The following APC2 variants were observed in gnomAD, a reference collection of about 807,000 sequenced individuals.
The protein encoded by APC2 is APC regulator of Wnt signaling pathway 2, also known as adenomatous polyposis coli protein 2.
In APC2, 41 loss-of-function variants were observed where a neutral mutation model predicts 72.5. That is an observed-to-expected ratio of 0.57 (90% confidence interval 0.44 to 0.73). The LOEUF is 0.73. Among genes scored for constraint, APC2 ranks in the 30% least tolerant of loss-of-function variants. The probability of loss-of-function intolerance (pLI) is 0.00; values close to 1 mark genes in which losing one functional copy is unlikely to be tolerated. For missense variants in APC2, 3,729 were observed against 3,403.4 expected (o/e 1.10, Z -2.38); for synonymous variants, 1,898 against 1,612.0 (o/e 1.18, Z -4.25).
chr19:1,457,744 G>T, intron 9 of APC2: 1 of 597,230 alleles, frequency 1.7e-6, no homozygotes, highest in East Asian at 2.8e-5. Context: ...GAAAGGTGTG[G>T]TGCTCCAGGA....
upstream of APC2, among the ~76,000 whole-genome samples, chr19:1,449,187 G>T (rs996418115): frequency 2.0e-5 from 3 of 152,190 alleles, no homozygotes; most frequent in South Asian, 6.2e-4. Flanking sequence ...GAAACCGAGG[G>T]TTGAGCGGCG....
chr19:1,451,359 G>A (rs2083740818), intron 1 of APC2: 1 of 152,756 alleles, frequency 6.5e-6, no homozygotes, highest in African/African-American at 2.4e-5. Flanking sequence ...GGCTGGGCAT[G>A]GGATGGTGAC....
At position 1,457,128 on chromosome 19, in the gene APC2, G is replaced by A. The variant is rs148333649; in HGVS notation, c.1092G>A (p.Ala364=). 5 of 1,588,926 alleles carry A rather than the reference G, an allele frequency of 3.1e-6. No homozygotes were observed. The highest frequency in any genetic ancestry group is 1.3e-5 in the African/African-American group (1 of 74,184). Residue 364 remains alanine, a synonymous_variant, in exon 9 of 15, where the codon GCG becomes GCA. Coordinates refer to ENST00000590469, the MANE Select transcript of APC2 (RefSeq NM_005883.3). The stretch of plus-strand genomic sequence containing the variant: ...TCTCGCAGCCGGACCAGGGCCTGGC[G>A]CGCAAGGAGATGCGCGTCCTGCACG... ...IVFSQPDQGL[A]RKEMRVLHVL...
Position 1,468,061 on chromosome 19 carries a change from G to GCGAGCC in APC2, c.4768_4773dup (p.Glu1590_Pro1591dup), listed in dbSNP as rs1022947706. On this transcript the variant is annotated inframe_insertion, in exon 15 of 15. Coordinates refer to ENST00000590469, the MANE Select transcript of APC2 (RefSeq NM_005883.3). ...CTGAGCTCCTCCGCCAGCTCCCTCA[G>GCGAGCC]CGAGCCCGAGCCCTCGGAGCCGCCG... is the stretch of plus-strand genomic sequence containing the variant. 17 of 1,571,108 alleles carry GCGAGCC rather than the reference G, an allele frequency of 1.1e-5. No individual in the cohort carries two copies. Among genetic ancestry groups the GCGAGCC allele is most frequent in the African/African-American group, 2.8e-5 (2 of 71,568 alleles).
In APC2 at chr19:1,469,402, C is replaced by T; in HGVS notation, c.6101C>T (p.Pro2034Leu). 8.3e-7 allele frequency: 1 copy of T among 1,208,386 alleles called. No individual in the cohort carries two copies. The highest frequency in any genetic ancestry group is 1.0e-6 in the Non-Finnish European group (1 of 973,440). 74.9% of individuals were successfully genotyped at this position (1,208,386 alleles called of 1,614,324 possible). Residue 2034 changes from proline (P) to leucine (L), a missense_variant, in exon 15 of 15, where the codon CCC (proline) becomes CTC (leucine). Coordinates refer to ENST00000590469, the MANE Select transcript of APC2 (RefSeq NM_005883.3). ...ASPRRGRPALPAVFLCSSRCE... is the reference protein window; with the variant it reads ...ASPRRGRPALLAVFLCSSRCE... ...CCCCGCCGCGGCCGGCCCGCGCTGC[C>T]CGCCGTCTTCCTCTGCTCCTCGCGC...
chr19:1,454,650 G>C (rs1300939907), intron 4 of APC2, among the ~76,000 whole-genome samples: 1 of 144,810 alleles, frequency 6.9e-6, no homozygotes, highest in African/African-American at 2.6e-5. Flanking sequence ...TGCAAGCTCC[G>C]CCTCCCGGGT....
At chr19:1,462,238 G>A in intron 14 of APC2, 61 bp downstream of exon 14, 1 of 1,450,012 alleles carries the variant, frequency 6.9e-7, no homozygotes, top group Non-Finnish European at 9.2e-7. Flanking sequence ...CACAGGGCTG[G>A]GCTGGGCACT....
intron 4 of APC2, among the ~76,000 whole-genome samples, chr19:1,454,364 C>CTT (rs11305729): frequency 7.0e-6 from 1 of 142,872 alleles, no homozygotes; most frequent in Non-Finnish European, 1.6e-5. Flanking sequence ...ATTGCTTTCT[C>CTT]TTTTTTTTTT....
chr19:1,450,894 C>G (rs1569135221), intron 1 of APC2, among the ~76,000 whole-genome samples: 2 of 152,214 alleles, frequency 1.3e-5, no homozygotes, highest in African/African-American at 4.8e-5. Flanking sequence ...AGAAAAGGTG[C>G]TCTAGGCAGG....
Position 1,466,667 on chromosome 19 carries a change from G to T in APC2, c.3366G>T (p.Leu1122=). 1 of 1,501,078 alleles carries T rather than the reference G, an allele frequency of 6.7e-7. No homozygotes were observed. The highest frequency in any genetic ancestry group is 8.9e-7 in the Non-Finnish European group (1 of 1,125,532). 93.0% of individuals were successfully genotyped at this position (1,501,078 alleles called of 1,614,324 possible). A position where few individuals can be genotyped will look rare whatever the true frequency, so the allele number is the denominator to read the frequency against. Residue 1122 remains leucine, a synonymous_variant, in exon 15 of 15, where the codon CTG becomes CTT. Coordinates refer to ENST00000590469, the MANE Select transcript of APC2 (RefSeq NM_005883.3). ...STWRAPGATS[L]PVAIPAPRRN... ...GGCGGGCGCCCGGGGCCACCTCGCT[G>T]CCCGTAGCCATTCCGGCTCCCCGGC...
chr19:1,456,811 G>C (rs2083835283), intron 8 of APC2, 42 bp from the exon 9 acceptor site: 1 of 1,569,312 alleles, frequency 6.4e-7, no homozygotes, highest in Non-Finnish European at 8.6e-7. Context: ...GGTGTGCGGG[G>C]GGCAGGTGAG....
At position 1,456,080 on chromosome 19, in the gene APC2, G is replaced by A. The variant is rs1326892363; in HGVS notation, c.644G>A (p.Arg215His). The A allele has an allele frequency of 3.2e-6, 5 of 1,573,216 alleles. No homozygotes were observed. Among genetic ancestry groups the A allele is most frequent in the Non-Finnish European group, 4.3e-6 (5 of 1,163,024 alleles). Residue 215 changes from arginine (R) to histidine (H), a missense_variant, in exon 7 of 15, where the codon CGC becomes CAC. Physicochemically the swap from Arg to His is conservative, Grantham distance 29. Transcript: ENST00000590469. ...CCCTCGTGTGGTCCTGAGCAGATCC[G>A]CGCCTCGCGCCTGGAGCAGATTGAC... ...SDEMVQRAQI[R>H]ASRLEQIDKE... is the part of the protein sequence containing the mutation.
Position 1,470,178 on chromosome 19 carries a change from G to T in APC2, c.6877G>T (p.Ala2293Ser). The T allele has an allele frequency of 6.2e-7, 1 of 1,602,014 alleles. No individual in the cohort carries two copies. Residue 2293 changes from alanine to serine, a missense_variant, in exon 15 of 15, where the codon GCC becomes TCC. By Grantham distance (99) the Ala-to-Ser change is moderately conservative (BLOSUM62 1). Coordinates refer to ENST00000590469, the MANE Select transcript of APC2 (RefSeq NM_005883.3). ...AATTDSAAEKAPATASATLLE is the reference protein window; with the variant it reads ...AATTDSAAEKSPATASATLLE ...CACCACCGACTCGGCCGCGGAGAAA[G>T]CCCCGGCCACTGCCTCCGCCACCCT...
rs568212510 is a variant in APC2 at position 1,466,139 on chromosome 19, G to A, written c.2838G>A (p.Pro946=). The part of the protein sequence containing the change: ...YCPREHMLPC[P]LAALASRRED... The stretch of plus-strand genomic sequence containing the variant: ...CACGCGAACATATGCTGCCCTGCCC[G>A]CTGGCCGCACTGGCTTCGCGCCGCG... The change falls in exon 15 of 15, where the codon CCG becomes CCA. Residue 946 remains proline (P), a synonymous_variant. Coordinates refer to ENST00000590469, the MANE Select transcript of APC2 (RefSeq NM_005883.3). 2 of 1,564,130 alleles carry A rather than the reference G, an allele frequency of 1.3e-6. No individual in the cohort carries two copies. The highest frequency in any genetic ancestry group is 1.2e-5 in the South Asian group (1 of 86,576).
At position 1,465,546 on chromosome 19, in the gene APC2, G is replaced by A. The variant is rs1421185588; in HGVS notation, c.2245G>A (p.Ala749Thr). 28 of 1,533,920 alleles carry A rather than the reference G, an allele frequency of 1.8e-5. No individual in the cohort carries two copies. Among genetic ancestry groups the A allele is most frequent in the African/African-American group, 4.2e-5 (3 of 71,908 alleles). Residue 749 changes from alanine to threonine, a missense_variant, in exon 15 of 15, where the codon GCA becomes ACA. Coordinates refer to ENST00000590469, the MANE Select transcript of APC2 (RefSeq NM_005883.3). ...GCACCTGGAGAAGCAGGGCCCGCCG[G>A]CAGCCGAGGCCGCCACTAAGAAGCC... Reference protein sequence around the residue: ...LEHLEKQGPPAAEAATKKPLP... With the variant: ...LEHLEKQGPPTAEAATKKPLP...
Position 1,469,476 on chromosome 19 carries a change from C to T in APC2, c.6175C>T (p.Gln2059Ter). 1 of 1,113,818 alleles carries T rather than the reference C, an allele frequency of 9.0e-7. No homozygotes were observed. Among genetic ancestry groups the T allele is most frequent in the Non-Finnish European group, 1.1e-6 (1 of 916,472 alleles). 69.0% of individuals were successfully genotyped at this position (1,113,818 alleles called of 1,614,324 possible). A position where few individuals can be genotyped will look rare whatever the true frequency, so the allele number is the denominator to read the frequency against. ...APRQGPAPAR[Q>*]RPPAARPSPG... ...CCGGCAGGGCCCGGCCCCGGCCCGGCAGCGGCCCCCCGCGGCCCGACCCAG... is the reference window on the plus strand; with the variant it reads ...CCGGCAGGGCCCGGCCCCGGCCCGGTAGCGGCCCCCCGCGGCCCGACCCAG... Residue 2059 changes from glutamine (Q) to a stop codon, truncating the protein, a stop_gained, in exon 15 of 15, where the codon CAG becomes TAG. Transcript: ENST00000590469. LOFTEE classifies it low-confidence loss of function (END_TRUNC).
intron 14 of APC2, among the ~76,000 whole-genome samples, 180 bp from the exon 15 acceptor site, chr19:1,464,970 AAAAAT>A (rs1297060615): frequency 6.6e-6 from 1 of 151,696 alleles, no homozygotes; most frequent in Non-Finnish European, 1.5e-5. Flanking sequence ...TCAAAAAAAT[AAAAAT>A]AAAATAATTT....
At position 1,469,040 on chromosome 19, in the gene APC2, G is replaced by A. The variant is rs1030077008; in HGVS notation, c.5739G>A (p.Ala1913=). The A allele has an allele frequency of 1.9e-6, 3 of 1,541,432 alleles. No homozygotes were observed. The African/African-American group carries it at 4.3e-5, about 22-fold the overall frequency. ...CCTCCCCGGTGCCCAAAACGCCGGC[G>A]CGCACCCTTCTGGCGAAGCAGCACA... ...PGASPVPKTP[A]RTLLAKQHKT... Residue 1913 remains alanine, a synonymous_variant, in exon 15 of 15, where the codon GCG becomes GCA. Coordinates refer to ENST00000590469, the MANE Select transcript of APC2 (RefSeq NM_005883.3).
In APC2 at chr19:1,465,270, G is replaced by T. The variant is rs779107230; in HGVS notation, c.1969G>T (p.Ala657Ser). 3 of 1,606,224 alleles carry T rather than the reference G, an allele frequency of 1.9e-6. No individual in the cohort carries two copies. The highest frequency in any genetic ancestry group is 1.7e-5 in the Admixed American group (1 of 59,810). ...GTLWNLSARS[A>S]RDQELLWDLG... ...GCTCTGGAACCTGTCGGCCCGCAGC[G>T]CCCGTGACCAGGAGCTGCTGTGGGA... Residue 657 changes from alanine (A) to serine (S), a missense_variant, in exon 15 of 15, where the codon GCC becomes TCC. By Grantham distance (99) the Ala-to-Ser change is moderately conservative. Coordinates refer to ENST00000590469, the MANE Select transcript of APC2 (RefSeq NM_005883.3).
Sources: gnomAD v4.1 joint callset for allele counts (sites outside exome capture counted in the v4.1 genomes callset) on GRCh38, gnomAD v4.1.1 for gene constraint, MANE v1.5 for transcripts, NCBI Gene and HGNC (gene_info 2026-07-23, HGNC 2026-07-21) for gene names.